The following NWD2 variants were observed in gnomAD, a reference collection of about 807,000 sequenced individuals.
NWD2 encodes the protein NACHT and WD repeat domain-containing protein 2.
Under a neutral mutation model 132.7 loss-of-function variants are expected in NWD2, and 37 were observed. That is an observed-to-expected ratio of 0.28 (90% CI 0.21 to 0.37). The LOEUF is 0.37. NWD2 is among the 10% of genes least tolerant of loss of function. The probability of loss-of-function intolerance (pLI) is 1.00; values close to 1 mark genes in which losing one functional copy is unlikely to be tolerated. For missense variants in NWD2, 1,592 were observed against 2,122.4 expected, an observed-to-expected ratio of 0.75 and a Z score of 4.91; for synonymous variants, 705 against 803.0, an observed-to-expected ratio of 0.88 and a Z score of 2.06.
At chr4:37,421,585 A>G (rs1247965732) in intron 3 of NWD2, among the ~76,000 whole-genome samples, 1 of 152,246 alleles carries the variant, frequency 6.6e-6, no homozygotes, top group Non-Finnish European at 1.5e-5. Flanking sequence ...AGGTAAAACT[A>G]TAATATGATT....
At chr4:37,386,212 G>T (rs1444539010) in intron 3 of NWD2, among the ~76,000 whole-genome samples, 1 of 152,018 alleles carries the variant, frequency 6.6e-6, no homozygotes, top group African/African-American at 2.4e-5. Flanking sequence ...CTCTGCTAAT[G>T]TTGTCTAGAA....
At chr4:37,313,493 A>C (rs890381951) in intron 1 of NWD2, among the ~76,000 whole-genome samples, 3 of 147,208 alleles carry the variant, frequency 2.0e-5, no homozygotes, top group Non-Finnish European at 4.5e-5. Context: ...ATCATTTTTT[A>C]TTGTGTCTAG....
intron 1 of NWD2, among the ~76,000 whole-genome samples, chr4:37,259,561 C>T (rs1033017148): frequency 6.6e-6 from 1 of 152,194 alleles, no homozygotes; most frequent in African/African-American, 2.4e-5. Context: ...CATCTCATCC[C>T]TCTCATGTCC....
rs1196713820 is a variant in NWD2, at chr4:37,430,758, A to G, written c.544A>G (p.Arg182Gly). The stretch of plus-strand genomic sequence containing the variant: ...CCTCAGACCCAAGTCAGAAATGCTG[A>G]GAAGCAATAGAAATGCAGTAAGCTG... ...YYLRPKSEML[R>G]SNRNAMQPST... is the part of the protein sequence containing the mutation. Residue 182 changes from arginine (R) to glycine (G), a missense_variant, in exon 4 of 7, where the codon AGA becomes GGA. By Grantham distance (125) the Arg-to-Gly change is moderately radical. This residue lies in a region of NWD2 where 144 missense variants were observed against 185.7 expected (regional missense o/e 0.78). Transcript: ENST00000309447. 6.4e-7 allele frequency: 1 copy of G among 1,551,526 alleles called. No individual in the cohort carries two copies.
At chr4:37,405,738 G>A (rs1327876927) in intron 3 of NWD2, among the ~76,000 whole-genome samples, 5 of 152,124 alleles carry the variant, frequency 3.3e-5, no homozygotes, top group Non-Finnish European at 7.4e-5. Flanking sequence ...TCTAAGGGAC[G>A]CATTTTTATA....
At chr4:37,309,771 C>A (rs575271164) in intron 1 of NWD2, among the ~76,000 whole-genome samples, 2 of 152,252 alleles carry the variant, frequency 1.3e-5, no homozygotes, top group Admixed American at 1.3e-4. Flanking sequence ...TGAGTCAATC[C>A]CAGGGCTCTT....
intron 3 of NWD2, among the ~76,000 whole-genome samples, chr4:37,394,799 G>GTT (rs1175840735): frequency 0.028 from 1,456 of 52,362 alleles, 337 homozygotes; most frequent in African/African-American, 0.054. Flanking sequence ...AACCTTTATG[G>GTT]TTTTTTTTTT....
intron 1 of NWD2, among the ~76,000 whole-genome samples, chr4:37,263,423 C>T (rs1238888584): frequency 2.0e-5 from 3 of 152,214 alleles, no homozygotes; most frequent in Non-Finnish European, 4.4e-5. Flanking sequence ...GCAAAGATTG[C>T]TTGGGTCTTG....
intron 2 of NWD2, among the ~76,000 whole-genome samples, chr4:37,347,019 C>G (rs767916192): frequency 3.3e-5 from 5 of 151,980 alleles, no homozygotes; most frequent in Admixed American, 6.6e-5. Context: ...GTATATTGTA[C>G]CTTTATTTTC....
At chr4:37,400,118 C>A (rs1372990991) in intron 3 of NWD2, among the ~76,000 whole-genome samples, 1 of 152,202 alleles carries the variant, frequency 6.6e-6, no homozygotes, top group African/African-American at 2.4e-5. Context: ...TAAACAGATA[C>A]ATATGGGTAA....
chr4:37,357,651 A>T (rs1207270037), intron 3 of NWD2, among the ~76,000 whole-genome samples: 1 of 152,098 alleles, frequency 6.6e-6, no homozygotes, highest in South Asian at 2.1e-4. Flanking sequence ...AGAAGATAAA[A>T]TTTTTTGCTT....
At position 37,418,392 on chromosome 4, in the gene NWD2, G is replaced by A. The variant is rs1335489152; in HGVS notation, c.358-12180G>A. On this transcript the variant is annotated intron_variant, in intron 3 of 6. Transcript: ENST00000309447. ...ATTATATAGATTATGTAATGATGTA[G>A]ATACTCTCCTCTAAAAGAGGGGGGC... 2.0e-5 allele frequency among the ~76,000 whole-genome samples: 3 copies of A among 152,014 alleles called. No homozygotes were observed. In the South Asian group the frequency reaches 6.2e-4, roughly 32 times the overall value.
At chr4:37,394,182 T>C (rs1384704967) in intron 3 of NWD2, among the ~76,000 whole-genome samples, 1 of 152,260 alleles carries the variant, frequency 6.6e-6, no homozygotes, top group African/African-American at 2.4e-5. Context: ...CTTAAGTAAA[T>C]GTATAATCTC....
chr4:37,370,846 T>G (rs977587685), intron 3 of NWD2, among the ~76,000 whole-genome samples: 3 of 152,152 alleles, frequency 2.0e-5, no homozygotes, highest in Admixed American at 6.5e-5. Context: ...TTTTGTTGCT[T>G]ATCTGAAAAG....
intron 3 of NWD2, among the ~76,000 whole-genome samples, chr4:37,395,599 A>AAAAAAAAAAAG (rs1720772614): frequency 6.7e-6 from 1 of 148,324 alleles, no homozygotes; most frequent in Non-Finnish European, 1.5e-5. Context: ...AAAAAAAAAA[A>AAAAAAAAAAAG]AAAAAAAAAA....
intron 3 of NWD2, among the ~76,000 whole-genome samples, chr4:37,387,676 T>C (rs1457121425): frequency 7.0e-6 from 1 of 142,570 alleles, no homozygotes; most frequent in Non-Finnish European, 1.5e-5. Flanking sequence ...TATTCTTTTT[T>C]TTTTTTTTTT....
At chr4:37,412,661 C>T in intron 3 of NWD2, among the ~76,000 whole-genome samples, 1 of 152,074 alleles carries the variant, frequency 6.6e-6, no homozygotes. Flanking sequence ...CAAAAATAGC[C>T]CAAATAGCAA....
intron 3 of NWD2, among the ~76,000 whole-genome samples, chr4:37,410,787 C>A (rs999205223): frequency 4.6e-5 from 7 of 152,172 alleles, no homozygotes; most frequent in African/African-American, 1.7e-4. Flanking sequence ...GAAATCATAA[C>A]AAACTGTCTC....
chr4:37,315,926 A>G (rs1374678947), intron 1 of NWD2, among the ~76,000 whole-genome samples: 2 of 152,062 alleles, frequency 1.3e-5, no homozygotes, highest in East Asian at 3.8e-4. Flanking sequence ...TGTTAAAGCA[A>G]AAATACTTTG....
Sources: allele counts gnomAD v4.1 joint callset (sites outside exome capture counted in the v4.1 genomes callset), GRCh38; gene constraint gnomAD v4.1.1; regional missense constraint gnomAD v4.1.1; transcripts MANE v1.5; gene names NCBI Gene and HGNC (gene_info 2026-07-23, HGNC 2026-07-21).